ESRRG: variants seen among roughly 807,000 people sequenced by gnomAD.
The protein encoded by ESRRG is estrogen related receptor gamma.
ESRRG carries 13 observed loss-of-function variants against 44.0 expected under a neutral mutation model. The observed-to-expected ratio is 0.30, with a 90% CI of 0.19 to 0.47. The LOEUF is 0.47. ESRRG is among the 20% of genes least tolerant of loss of function. ESRRG has a pLI of 1.00. For synonymous variants in ESRRG, 215 were observed against 214.6 expected, an observed-to-expected ratio of 1.00 and a Z score of -0.02; for missense variants, 395 against 580.6, an observed-to-expected ratio of 0.68 and a Z score of 3.29.
chr1:216,551,864 C>T lies in ESRRG; in HGVS notation c.862+12355G>A, dbSNP rs567513642. Among the ~76,000 whole-genome samples the T allele has an allele frequency of 2.6e-5, 4 of 152,256 alleles. No homozygotes were observed. The South Asian group carries it at 8.3e-4, about 32-fold the overall frequency. The stretch of plus-strand genomic sequence containing the variant: ...TCCTTCTGTTGTCTTTACTATTTAG[C>T]TCTGCATCAAGATCCTTGGCAGTTG... On this transcript the variant is annotated intron_variant, in intron 5 of 6. Transcript: ENST00000408911.
chr1:216,948,250 T>A (rs1437490134), intron 1 of ESRRG, among the ~76,000 whole-genome samples: 1 of 151,776 alleles, frequency 6.6e-6, no homozygotes, highest in African/African-American at 2.4e-5. Context: ...ATGGTCAAGA[T>A]TAGGAAGAAA....
intron 3 of ESRRG, among the ~76,000 whole-genome samples, chr1:216,584,350 G>A (rs537454529): frequency 3.3e-4 from 50 of 151,272 alleles, no homozygotes; most frequent in South Asian, 2.7e-3. Context: ...TCTGCCCGCC[G>A]GGTTCATGCC....
chr1:216,919,638 G>A (rs1267704396), intron 2 of ESRRG, among the ~76,000 whole-genome samples: 3 of 152,116 alleles, frequency 2.0e-5, no homozygotes, highest in Non-Finnish European at 2.9e-5. Context: ...CCATAGCTAG[G>A]CCCCCTCTCT....
At chr1:216,617,390 T>C (rs1307234987) in intron 3 of ESRRG, among the ~76,000 whole-genome samples, 1 of 152,086 alleles carries the variant, frequency 6.6e-6, no homozygotes, top group Non-Finnish European at 1.5e-5. Flanking sequence ...CTGTGCCTAA[T>C]GTCTACATAA....
At chr1:216,743,858 A>G (rs1245816277) in intron 2 of ESRRG, among the ~76,000 whole-genome samples, 3 of 152,188 alleles carry the variant, frequency 2.0e-5, no homozygotes, top group African/African-American at 7.2e-5. Context: ...CTGATTAGGA[A>G]GCTGAGACTT....
intron 1 of ESRRG, among the ~76,000 whole-genome samples, chr1:217,136,196 A>T (rs1196376106): frequency 6.6e-6 from 1 of 152,114 alleles, no homozygotes. Flanking sequence ...GCGGAGGGCG[A>T]TCCGGAGCCG....
intron 1 of ESRRG, among the ~76,000 whole-genome samples, chr1:217,133,081 C>A (rs2092988023): frequency 6.6e-6 from 1 of 152,190 alleles, no homozygotes; most frequent in African/African-American, 2.4e-5. Flanking sequence ...AGAGGTCAGG[C>A]CACAGAGGCC....
chr1:216,755,548 A>G (rs559180971), intron 2 of ESRRG, among the ~76,000 whole-genome samples: 1 of 152,120 alleles, frequency 6.6e-6, no homozygotes, highest in Admixed American at 6.6e-5. Context: ...GGTGAAAATA[A>G]AATTCCTTTT....
At chr1:216,508,396 C>A (rs1571916165) in intron 6 of ESRRG, among the ~76,000 whole-genome samples, 1 of 151,986 alleles carries the variant, frequency 6.6e-6, no homozygotes, top group Admixed American at 6.6e-5. Flanking sequence ...TTTAATGACA[C>A]CTCTTTAAAA....
chr1:216,922,372 T>C (rs574402300), intron 2 of ESRRG, among the ~76,000 whole-genome samples: 24 of 152,272 alleles, frequency 1.6e-4, no homozygotes, highest in Admixed American at 1.5e-3. Flanking sequence ...AGACACAACC[T>C]TTTTAGTTCG....
chr1:217,045,714 T>G (rs1320406414), intron 1 of ESRRG, among the ~76,000 whole-genome samples: 2 of 152,142 alleles, frequency 1.3e-5, no homozygotes, highest in Non-Finnish European at 2.9e-5. Flanking sequence ...GTTGTCGTTT[T>G]TTTTTCATTT....
chr1:216,840,746 G>C (rs1239344082), intron 2 of ESRRG, among the ~76,000 whole-genome samples: 7 of 152,140 alleles, frequency 4.6e-5, no homozygotes, highest in African/African-American at 1.7e-4. Context: ...AGAGGCCCAA[G>C]AAGAGGAAGA....
chr1:216,778,043 G>T (rs527541088), intron 2 of ESRRG, among the ~76,000 whole-genome samples: 132 of 152,162 alleles, frequency 8.7e-4, no homozygotes, highest in Non-Finnish European at 1.5e-3. Flanking sequence ...GGAGTCATTT[G>T]AGTTATCTGG....
intron 2 of ESRRG, among the ~76,000 whole-genome samples, chr1:216,848,091 C>A (rs905836928): frequency 6.6e-6 from 1 of 152,050 alleles, no homozygotes; most frequent in Non-Finnish European, 1.5e-5. Context: ...TTAGTGACAA[C>A]CAAAAATGAC....
At chr1:216,591,371 G>C (rs954031075) in intron 3 of ESRRG, among the ~76,000 whole-genome samples, 3 of 152,194 alleles carry the variant, frequency 2.0e-5, no homozygotes, top group African/African-American at 7.2e-5. Context: ...TGGAAGCTCT[G>C]TGCCCCTCCC....
At chr1:216,515,404 CA>C (rs1456084817) in intron 6 of ESRRG, among the ~76,000 whole-genome samples, 1 of 151,978 alleles carries the variant, frequency 6.6e-6, no homozygotes, top group Non-Finnish European at 1.5e-5. Context: ...CACACTAAGT[CA>C]AACCTATATG....
chr1:216,847,804 G>C (rs1398005151), intron 2 of ESRRG, among the ~76,000 whole-genome samples: 1 of 152,080 alleles, frequency 6.6e-6, no homozygotes, highest in African/African-American at 2.4e-5. Flanking sequence ...CAGACATTGG[G>C]CATCTGGTTG....
At chr1:216,874,042 G>T (rs2096307135) in intron 2 of ESRRG, among the ~76,000 whole-genome samples, 1 of 147,922 alleles carries the variant, frequency 6.8e-6, no homozygotes, top group South Asian at 2.2e-4. Flanking sequence ...AGGGAGAGAG[G>T]TGGAAGGAAG....
At chr1:216,927,052 T>A (rs1431276255) in intron 2 of ESRRG, among the ~76,000 whole-genome samples, 1 of 152,216 alleles carries the variant, frequency 6.6e-6, no homozygotes, top group Non-Finnish European at 1.5e-5. Context: ...GACTAGATGC[T>A]TAGAAATGGC....
Sources: gnomAD v4.1 joint callset for allele counts (sites outside exome capture counted in the v4.1 genomes callset) on GRCh38, gnomAD v4.1.1 for gene constraint, MANE v1.5 for transcripts, NCBI Gene and HGNC (gene_info 2026-07-23, HGNC 2026-07-21) for gene names.